The following CDH9 variants were observed in gnomAD, a reference collection of about 807,000 sequenced individuals.
The protein encoded by CDH9 is cadherin 9.
In CDH9, 28 loss-of-function variants were observed where a neutral mutation model predicts 70.9. The observed-to-expected ratio is 0.40, with a 90% CI of 0.29 to 0.54. The LOEUF is 0.54. Among genes scored for constraint, CDH9 ranks in the 20% least tolerant of loss-of-function variants. The probability of loss-of-function intolerance (pLI) is 0.59; values close to 1 mark genes in which losing one functional copy is unlikely to be tolerated. For synonymous variants in CDH9, 409 were observed against 343.1 expected, an observed-to-expected ratio of 1.19 and a Z score of -2.12; for missense variants, 874 against 984.4, an observed-to-expected ratio of 0.89 and a Z score of 1.50.
At chr5:26,943,230 G>T (rs1336565869) in intron 2 of CDH9, among the ~76,000 whole-genome samples, 1 of 152,104 alleles carries the variant, frequency 6.6e-6, no homozygotes, top group Non-Finnish European at 1.5e-5. Context: ...CTAACTCAGG[G>T]GTGGGGCGCG....
intron 2 of CDH9, among the ~76,000 whole-genome samples, chr5:26,958,732 C>A (rs548243192): frequency 6.6e-6 from 1 of 152,032 alleles, no homozygotes; most frequent in South Asian, 2.1e-4. Flanking sequence ...AAAGAATTCA[C>A]TGTAAAAGAA....
At chr5:26,909,665 A>G (rs1484594488) in intron 3 of CDH9, among the ~76,000 whole-genome samples, 2 of 151,482 alleles carry the variant, frequency 1.3e-5, no homozygotes, top group Non-Finnish European at 2.9e-5. Flanking sequence ...TCGCGAGACC[A>G]TTATTTTTGC....
chr5:27,007,991 G>C (rs886308742), intron 1 of CDH9, among the ~76,000 whole-genome samples: 4 of 152,074 alleles, frequency 2.6e-5, no homozygotes, highest in Non-Finnish European at 5.9e-5. Context: ...CTTACATTTG[G>C]ATAACTGTGT....
At chr5:26,905,024 AACTTTATTGTTTTAC>A (rs1242429598) in intron 5 of CDH9, among the ~76,000 whole-genome samples, 16 of 152,114 alleles carry the variant, frequency 1.1e-4, no homozygotes, top group African/African-American at 3.9e-4. Context: ...GTTCTCAGCA[AACTTTATTGTTTTAC>A]ATATAACATA....
intron 2 of CDH9, among the ~76,000 whole-genome samples, chr5:26,920,052 TG>T (rs1741217263): frequency 6.6e-6 from 1 of 151,886 alleles, no homozygotes; most frequent in Admixed American, 6.6e-5. Context: ...TTGGCCACAG[TG>T]GGGTAGAGCA....
chr5:26,900,389 A>G (rs1457863109), intron 7 of CDH9, among the ~76,000 whole-genome samples: 1 of 152,074 alleles, frequency 6.6e-6, no homozygotes, highest in Non-Finnish European at 1.5e-5. Context: ...ACAGAAAAAC[A>G]AAACTATAGA....
chr5:26,973,129 T>C (rs1742249538), intron 2 of CDH9, among the ~76,000 whole-genome samples: 1 of 152,158 alleles, frequency 6.6e-6, no homozygotes, highest in African/African-American at 2.4e-5. Context: ...CCCAAAGTGC[T>C]GGTAATACAG....
intron 2 of CDH9, among the ~76,000 whole-genome samples, chr5:26,953,000 G>A (rs1026342462): frequency 6.6e-6 from 1 of 151,634 alleles, no homozygotes; most frequent in Non-Finnish European, 1.5e-5. Flanking sequence ...TTCATAATTA[G>A]GGAGGATGTT....
Position 26,964,502 on chromosome 5 carries a change from C to T in CDH9, c.228+23604G>A, listed in dbSNP as rs538741768. On this transcript the variant is annotated intron_variant, in intron 2 of 11. Transcript: ENST00000231021. ...TACTACTAAATTTCCACTCAACCAA[C>T]CAATGAACCAACCAACCTATATGCA... is the stretch of plus-strand genomic sequence containing the variant. Among the ~76,000 whole-genome samples, 9 of 152,232 alleles carry T rather than the reference C, an allele frequency of 5.9e-5. No homozygotes were observed. The South Asian group carries it at 1.9e-3, about 32-fold the overall frequency.
intron 2 of CDH9, among the ~76,000 whole-genome samples, chr5:26,932,343 G>A (rs892175038): frequency 1.3e-5 from 2 of 151,504 alleles, no homozygotes; most frequent in Admixed American, 6.6e-5. Flanking sequence ...AAAAAGACCT[G>A]AATATAATGG....
intron 3 of CDH9, among the ~76,000 whole-genome samples, chr5:26,908,972 A>G (rs184522504): frequency 9.4e-4 from 143 of 152,212 alleles, no homozygotes; most frequent in Non-Finnish European, 1.4e-3. Flanking sequence ...AAAATGGTTT[A>G]TATGTTTTAT....
At chr5:27,034,165 A>G (rs1422565417) in intron 1 of CDH9, among the ~76,000 whole-genome samples, 4 of 151,732 alleles carry the variant, frequency 2.6e-5, no homozygotes, top group African/African-American at 4.8e-5. Context: ...AACATGTTAA[A>G]TCTTTCATAT....
Position 26,890,447 on chromosome 5 carries a change from A to G in CDH9, c.1371T>C (p.Thr457=). The G allele has an allele frequency of 1.9e-6, 3 of 1,613,636 alleles. No homozygotes were observed. The highest frequency in any genetic ancestry group is 1.7e-6 in the Non-Finnish European group (2 of 1,179,592). The change falls in exon 8 of 12, where the codon ACT becomes ACC. Residue 457 remains threonine (T), a synonymous_variant. Transcript: ENST00000231021. Reference sequence around the variant, plus strand: ...ACTTACTTATTTCTGTGGCTGTAACAGTGATGTTATGCCAAGGAGATGATT... The same window carrying G: ...ACTTACTTATTTCTGTGGCTGTAACGGTGATGTTATGCCAAGGAGATGATT... The part of the protein sequence containing the change: ...DRESSPWHNI[T]VTATEINNPK...
At chr5:27,034,119 A>G (rs1743353043) in intron 1 of CDH9, among the ~76,000 whole-genome samples, 1 of 151,758 alleles carries the variant, frequency 6.6e-6, no homozygotes. Context: ...AAATTCTGTT[A>G]GATAAATGTT....
intron 1 of CDH9, among the ~76,000 whole-genome samples, chr5:27,015,237 A>T (rs1743026765): frequency 6.6e-6 from 1 of 151,824 alleles, no homozygotes. Context: ...TAGAATTATA[A>T]TATAAATAAT....
At position 26,886,145 on chromosome 5, in the gene CDH9, A is replaced by G. The variant is rs547186305; in HGVS notation, c.1513-62T>C. 1.3e-5 allele frequency: 20 copies of G among 1,510,308 alleles called. No individual in the cohort carries two copies. In the Admixed American group the frequency reaches 3.4e-4, roughly 26 times the overall value. 93.6% of individuals were successfully genotyped at this position (1,510,308 alleles called of 1,614,324 possible). On this transcript the variant is annotated intron_variant, in intron 9 of 11. Coordinates refer to ENST00000231021, the MANE Select transcript of CDH9 (RefSeq NM_016279.4). ...AAGGCAATGTTCTTGTTATTACAAGATATCTTAAATCCATGTATTTGTGCT... is the reference window on the plus strand; with the variant it reads ...AAGGCAATGTTCTTGTTATTACAAGGTATCTTAAATCCATGTATTTGTGCT...
Position 26,889,566 on chromosome 5 carries a change from T to C in CDH9, c.1512+270A>G, listed in dbSNP as rs186783134. Among the ~76,000 whole-genome samples the C allele has an allele frequency of 7.2e-5, 11 of 152,256 alleles. No homozygotes were observed. In the East Asian group the frequency reaches 2.1e-3, roughly 29 times the overall value. ...CATAATTATGAATGCAGGTAACAGC[T>C]TCTACATATGTGATATTCACTATAA... On this transcript the variant is annotated intron_variant, in intron 9 of 11. Transcript: ENST00000231021.
At chr5:26,903,939 T>A in intron 5 of CDH9, 115 bp from the exon 6 acceptor site, 1 of 596,982 alleles carries the variant, frequency 1.7e-6, no homozygotes, top group Non-Finnish European at 2.9e-6. Flanking sequence ...TTTTATCATA[T>A]TGAATTGTAA....
intron 9 of CDH9, among the ~76,000 whole-genome samples, chr5:26,889,108 G>C (rs941150911): frequency 1.3e-5 from 2 of 152,086 alleles, no homozygotes; most frequent in African/African-American, 4.8e-5. Flanking sequence ...ACCTTAAAGA[G>C]ACATGACAGA....
Sources: allele counts gnomAD v4.1 joint callset (sites outside exome capture counted in the v4.1 genomes callset), GRCh38; gene constraint gnomAD v4.1.1; transcripts MANE v1.5; gene names NCBI Gene and HGNC (gene_info 2026-07-23, HGNC 2026-07-21).